The following ADCK1 variants were observed in gnomAD, a reference collection of about 807,000 sequenced individuals.
The protein encoded by ADCK1 is aarF domain-containing protein kinase 1.
Under a neutral mutation model 52.3 loss-of-function variants are expected in ADCK1, and 41 were observed. The ratio of observed to expected loss-of-function variants is 0.78; its 90% CI spans 0.61 to 1.02. The LOEUF (loss-of-function observed/expected upper bound fraction) is 1.02, where lower values mean the gene tolerates loss of function less well. Among genes scored for constraint, ADCK1 ranks in the 50% least tolerant of loss-of-function variants. The pLI is 0.00. For synonymous variants in ADCK1, 250 were observed against 274.6 expected, an observed-to-expected ratio of 0.91 and a Z score of 0.89; for missense variants, 658 against 679.5, an observed-to-expected ratio of 0.97 and a Z score of 0.35.
intron 3 of ADCK1, among the ~76,000 whole-genome samples, chr14:77,842,961 C>T (rs1220591362): frequency 6.8e-6 from 1 of 147,996 alleles, no homozygotes; most frequent in African/African-American, 2.5e-5. Context: ...TGAAACATGG[C>T]TCACTGCATC....
chr14:77,896,981 G>C (rs545108009), intron 5 of ADCK1, among the ~76,000 whole-genome samples: 3 of 152,282 alleles, frequency 2.0e-5, no homozygotes, highest in African/African-American at 7.2e-5. Context: ...TTAATAGTCT[G>C]GCTTTAGATT....
At chr14:77,820,944 G>A (rs991469669) in intron 2 of ADCK1, 1 of 151,974 alleles carries the variant, frequency 6.6e-6, no homozygotes, top group Non-Finnish European at 1.5e-5. Flanking sequence ...TCGAACTCCT[G>A]ACCTCAAGTG....
At position 77,843,558 on chromosome 14, in the gene ADCK1, G is replaced by T. The variant is rs115985983; in HGVS notation, c.220-15518G>T. On this transcript the variant is annotated intron_variant, in intron 3 of 10. Transcript: ENST00000238561. ...GAGTACATGTCCTGGGCTCCTGTGG[G>T]CATCTGGGTTTGTCTGTGTGATGGC... Among the ~76,000 whole-genome samples the T allele has an allele frequency of 2.7e-3, 416 of 152,256 alleles. 2 individuals carry two copies. Among genetic ancestry groups the T allele is most frequent in the African/African-American group, 9.5e-3 (396 of 41,526 alleles).
chr14:77,839,579 A>C (rs2082024107), intron 3 of ADCK1, among the ~76,000 whole-genome samples: 1 of 152,132 alleles, frequency 6.6e-6, no homozygotes, highest in Non-Finnish European at 1.5e-5. Flanking sequence ...AGAGCAGTGC[A>C]CAATGCAGGC....
chr14:77,820,546 T>A (rs1340358947), intron 2 of ADCK1, among the ~76,000 whole-genome samples: 1 of 151,696 alleles, frequency 6.6e-6, no homozygotes, highest in Non-Finnish European at 1.5e-5. Flanking sequence ...TGCCCAGGAT[T>A]GTCTTAAACT....
At chr14:77,848,828 AT>A (rs61390673) in intron 3 of ADCK1, among the ~76,000 whole-genome samples, 40,968 of 142,184 alleles carry the variant, frequency 0.29, 5,541 homozygotes, top group Middle Eastern at 0.37. Context: ...CAGTGGTGTA[AT>A]TTTTTTTTTT....
At chr14:77,841,986 G>A (rs1448717110) in intron 3 of ADCK1, among the ~76,000 whole-genome samples, 1 of 152,104 alleles carries the variant, frequency 6.6e-6, no homozygotes, top group Non-Finnish European at 1.5e-5. Flanking sequence ...AGCTACTTGG[G>A]AGGCTGAAGC....
At chr14:77,875,624 A>T (rs1173874051) in intron 4 of ADCK1, among the ~76,000 whole-genome samples, 1 of 152,190 alleles carries the variant, frequency 6.6e-6, no homozygotes, top group East Asian at 1.9e-4. Flanking sequence ...TCAGCCACGA[A>T]GTCCTCATAG....
At chr14:77,857,689 G>T (rs2082450037) in intron 3 of ADCK1, among the ~76,000 whole-genome samples, 1 of 152,134 alleles carries the variant, frequency 6.6e-6, no homozygotes, top group Admixed American at 6.5e-5. Context: ...AATTATACAG[G>T]ATCTTTGAAT....
chr14:77,810,706 T>A (rs2081322580), intron 1 of ADCK1, among the ~76,000 whole-genome samples: 1 of 152,074 alleles, frequency 6.6e-6, no homozygotes, highest in African/African-American at 2.4e-5. Flanking sequence ...AATTTGTTTG[T>A]ATTTTTAGTA....
intron 1 of ADCK1, among the ~76,000 whole-genome samples, chr14:77,817,940 G>A (rs8019834): frequency 0.022 from 3,307 of 150,814 alleles, 58 homozygotes; most frequent in Admixed American, 0.046. Flanking sequence ...GGGTTTCATC[G>A]TGTTAGCCAG....
chr14:77,931,063 C>T (rs548351574), intron 9 of ADCK1, among the ~76,000 whole-genome samples: 3 of 152,182 alleles, frequency 2.0e-5, no homozygotes, highest in East Asian at 3.9e-4. Flanking sequence ...AGCAATGGAG[C>T]GTGAGCAGCA....
chr14:77,910,186 C>G (rs1261903041), intron 7 of ADCK1, among the ~76,000 whole-genome samples: 1 of 152,150 alleles, frequency 6.6e-6, no homozygotes, highest in Non-Finnish European at 1.5e-5. Context: ...CTGTTTTACC[C>G]AGGGCAGCTT....
chr14:77,826,122 A>G (rs1163018806), intron 3 of ADCK1, among the ~76,000 whole-genome samples: 1 of 152,216 alleles, frequency 6.6e-6, no homozygotes, highest in Non-Finnish European at 1.5e-5. Context: ...GCATTTGACA[A>G]GAGAACAGCA....
chr14:77,916,547 C>T (rs1482492933), intron 7 of ADCK1, among the ~76,000 whole-genome samples: 2 of 152,186 alleles, frequency 1.3e-5, no homozygotes, highest in East Asian at 3.9e-4. Context: ...TGGATCTCCC[C>T]AGGCTCAGGT....
chr14:77,834,953 G>C (rs1007244266), intron 3 of ADCK1, among the ~76,000 whole-genome samples: 3 of 152,142 alleles, frequency 2.0e-5, no homozygotes, highest in African/African-American at 7.2e-5. Context: ...ACCAACCCAG[G>C]CTGGGCTTTT....
chr14:77,868,056 A>G (rs1191173229), intron 4 of ADCK1, among the ~76,000 whole-genome samples: 2 of 152,180 alleles, frequency 1.3e-5, no homozygotes, highest in Non-Finnish European at 2.9e-5. Context: ...TGGTGCCTCG[A>G]TCTTCCTGAG....
At chr14:77,848,528 C>A (rs1050074477) in intron 3 of ADCK1, among the ~76,000 whole-genome samples, 1 of 152,092 alleles carries the variant, frequency 6.6e-6, no homozygotes, top group Non-Finnish European at 1.5e-5. Context: ...TACAGTGGTG[C>A]GATCTTGGGT....
intron 5 of ADCK1, among the ~76,000 whole-genome samples, chr14:77,896,116 A>G (rs2083403734): frequency 1.3e-5 from 2 of 152,180 alleles, no homozygotes. Flanking sequence ...GATGTCAGGT[A>G]TTACCAAGTG....
Sources: allele counts gnomAD v4.1 joint callset (sites outside exome capture counted in the v4.1 genomes callset), GRCh38; gene constraint gnomAD v4.1.1; transcripts MANE v1.5; gene names NCBI Gene and HGNC (gene_info 2026-07-23, HGNC 2026-07-21).